The following AK5 variants were observed in gnomAD, a reference collection of about 807,000 sequenced individuals.
The protein encoded by AK5 is adenylate kinase 5.
Under a neutral mutation model 69.5 loss-of-function variants are expected in AK5, and 27 were observed. The observed-to-expected ratio is 0.39, with a 90% confidence interval of 0.29 to 0.54. AK5 has a LOEUF of 0.54. AK5 is among the 20% of genes least tolerant of loss of function. The pLI is 0.71. For synonymous variants in AK5, 260 were observed against 244.4 expected (o/e 1.06, Z -0.60); for missense variants, 531 against 700.4 (o/e 0.76, Z 2.73).
intron 13 of AK5, among the ~76,000 whole-genome samples, chr1:77,548,656 A>C (rs117230241): frequency 6.6e-6 from 1 of 152,330 alleles, no homozygotes; most frequent in East Asian, 1.9e-4. Flanking sequence ...TTCAGGAAAA[A>C]CACAACTAGA....
At chr1:77,448,357 G>A (rs557910920) in intron 8 of AK5, among the ~76,000 whole-genome samples, 19 of 152,258 alleles carry the variant, frequency 1.2e-4, no homozygotes, top group South Asian at 1.2e-3. Context: ...TTGGGCAGAC[G>A]ATGGGACAAC....
Position 77,327,034 on chromosome 1 carries a change from T to A in AK5, c.700-13343T>A, listed in dbSNP as rs115265229. Among the ~76,000 whole-genome samples, 1,023 of 152,254 alleles carry A rather than the reference T, an allele frequency of 6.7e-3. 18 individuals carry two copies. Among genetic ancestry groups the A allele is most frequent in the African/African-American group, 0.023 (975 of 41,520 alleles). The stretch of plus-strand genomic sequence containing the variant: ...TGGGCAATCATTCCTATAGTCAATA[T>A]CATGAATTTAAATGTTAAATGTTTG... On this transcript the variant is annotated intron_variant, in intron 5 of 13. Transcript: ENST00000354567.
intron 6 of AK5, among the ~76,000 whole-genome samples, chr1:77,368,274 TTATATATGTTA>T (rs1421421865): frequency 6.3e-4 from 37 of 58,344 alleles, no homozygotes; most frequent in East Asian, 2.6e-3. Context: ...TATATATATG[TTATATATGTTA>T]TATATATGTT....
chr1:77,459,580 G>A (rs1164260655), intron 8 of AK5, among the ~76,000 whole-genome samples: 2 of 152,180 alleles, frequency 1.3e-5, no homozygotes, highest in African/African-American at 4.8e-5. Flanking sequence ...TGATTCAATA[G>A]GTCTGAGGTA....
chr1:77,429,937 C>T (rs1238016455), intron 8 of AK5, among the ~76,000 whole-genome samples: 1 of 152,092 alleles, frequency 6.6e-6, no homozygotes, highest in Admixed American at 6.6e-5. Context: ...GCAGATGAGC[C>T]TGGAAAGTAG....
rs1407955908 is a variant in AK5 at position 77,440,249 on chromosome 1, A to G, written c.1059+22534A>G. ...TTTCTGAAGGGTAGTTTTGTTGGAT[A>G]TGCTATTCTTGACTGACAATTTTTT... On this transcript the variant is annotated intron_variant, in intron 8 of 13. Coordinates refer to ENST00000354567, the MANE Select transcript of AK5 (RefSeq NM_174858.3). Among the ~76,000 whole-genome samples the G allele has an allele frequency of 2.0e-5, 3 of 152,224 alleles. No homozygotes were observed. In the East Asian group the frequency reaches 5.8e-4, roughly 29 times the overall value.
chr1:77,441,100 A>T (rs530771585), intron 8 of AK5, among the ~76,000 whole-genome samples: 1 of 151,948 alleles, frequency 6.6e-6, no homozygotes, highest in East Asian at 1.9e-4. Flanking sequence ...TCTCTATTGC[A>T]TTTTTTATTT....
intron 10 of AK5, among the ~76,000 whole-genome samples, chr1:77,498,446 A>T (rs1270620072): frequency 2.6e-5 from 4 of 152,206 alleles, no homozygotes; most frequent in Non-Finnish European, 5.9e-5. Flanking sequence ...GGTCATTTTT[A>T]TAAAGAGGGA....
intron 13 of AK5, among the ~76,000 whole-genome samples, chr1:77,541,961 G>T (rs1659300850): frequency 6.6e-6 from 1 of 152,102 alleles, no homozygotes; most frequent in Non-Finnish European, 1.5e-5. Flanking sequence ...TTTATTGAGT[G>T]CATATGGTAT....
intron 5 of AK5, 71 bp from the exon 6 acceptor site, chr1:77,340,306 T>G: frequency 7.1e-7 from 1 of 1,412,564 alleles, no homozygotes; most frequent in East Asian, 2.3e-5. Flanking sequence ...CAAAAGGAAA[T>G]GAATGCAGCT....
At chr1:77,387,874 T>G (rs1648137262) in intron 6 of AK5, among the ~76,000 whole-genome samples, 1 of 152,198 alleles carries the variant, frequency 6.6e-6, no homozygotes, top group African/African-American at 2.4e-5. Context: ...TAATCATCCT[T>G]TCATTTATCT....
intron 8 of AK5, among the ~76,000 whole-genome samples, chr1:77,478,077 A>G (rs1297694763): frequency 1.3e-5 from 2 of 152,190 alleles, no homozygotes; most frequent in African/African-American, 4.8e-5. Context: ...AGCTGACTTC[A>G]AAGTTCAGCT....
At chr1:77,493,295 T>A (rs1179056506) in intron 10 of AK5, among the ~76,000 whole-genome samples, 1 of 151,168 alleles carries the variant, frequency 6.6e-6, no homozygotes, top group Non-Finnish European at 1.5e-5. Context: ...TGGAGCTGGG[T>A]CATCCATTTT....
At chr1:77,392,718 T>G (rs1648567736) in intron 6 of AK5, among the ~76,000 whole-genome samples, 1 of 152,008 alleles carries the variant, frequency 6.6e-6, no homozygotes, top group Admixed American at 6.6e-5. Context: ...TAGGTCATGA[T>G]TTTATGCCAA....
At chr1:77,297,255 A>G (rs1659062951) in intron 3 of AK5, among the ~76,000 whole-genome samples, 1 of 152,216 alleles carries the variant, frequency 6.6e-6, no homozygotes, top group Admixed American at 6.5e-5. Flanking sequence ...GATTTTACAT[A>G]GAAAAAAGTC....
intron 13 of AK5, among the ~76,000 whole-genome samples, chr1:77,557,671 A>G (rs535644738): frequency 1.3e-5 from 2 of 151,510 alleles, no homozygotes; most frequent in East Asian, 2.0e-4. Context: ...TCATCCCTCA[A>G]TCTCTCCCCT....
At chr1:77,440,699 C>T (rs567563365) in intron 8 of AK5, among the ~76,000 whole-genome samples, 1 of 151,214 alleles carries the variant, frequency 6.6e-6, no homozygotes, top group East Asian at 1.9e-4. Flanking sequence ...TTTTTTTTCT[C>T]TAACTGTATA....
chr1:77,298,868 T>C (rs1464499319), intron 5 of AK5, among the ~76,000 whole-genome samples: 1 of 152,158 alleles, frequency 6.6e-6, no homozygotes, highest in African/African-American at 2.4e-5. Flanking sequence ...AGAAGTAATA[T>C]ATGCTCATAC....
At chr1:77,507,873 A>AC (rs1657115952) in intron 10 of AK5, among the ~76,000 whole-genome samples, 4 of 152,312 alleles carry the variant, frequency 2.6e-5, no homozygotes, top group Non-Finnish European at 5.9e-5. Flanking sequence ...TTATTATGAA[A>AC]ATATTTCAAA....
Sources: allele counts gnomAD v4.1 joint callset (sites outside exome capture counted in the v4.1 genomes callset), GRCh38; gene constraint gnomAD v4.1.1; transcripts MANE v1.5; gene names NCBI Gene and HGNC (gene_info 2026-07-23, HGNC 2026-07-21).